Variants in TCF20 observed in about 807,000 individuals in gnomAD.
TCF20 encodes the protein SPRE-binding protein.
A neutral mutation model predicts 148.6 loss-of-function variants in TCF20; 3 were observed. That is an observed-to-expected ratio of 0.02 (90% CI 0.01 to 0.05). The LOEUF (loss-of-function observed/expected upper bound fraction) is 0.05, where lower values mean the gene tolerates loss of function less well. TCF20 is among the 10% of genes least tolerant of loss of function. The probability of loss-of-function intolerance (pLI) is 1.00; values close to 1 mark genes in which losing one functional copy is unlikely to be tolerated. For missense variants in TCF20, 2,350 were observed against 2,429.3 expected (o/e 0.97, Z 0.69); for synonymous variants, 1,049 against 909.5 (o/e 1.15, Z -2.76).
Position 42,243,310 on chromosome 22 carries a change from A to AAAAAAAC in TCF20, c.-37+27028_-37+27029insGTTTTTT, listed in dbSNP as rs1924617731. Among the ~76,000 whole-genome samples, 6 of 140,954 alleles carry AAAAAAAC rather than the reference A, an allele frequency of 4.3e-5. 1 individual carries two copies. Among genetic ancestry groups the AAAAAAAC allele is most frequent in the Admixed American group, 1.4e-4 (2 of 14,746 alleles). The allele number at this position is 140,954 out of a possible 152,430, so 92.5% of individuals were successfully genotyped here. ...ACTGTCTCAAAAAAAAAAAAAAAAA[A>AAAAAAAC]AAAAAAAAAAAGTCAGGCATGATGG... On this transcript the variant is annotated intron_variant, in intron 1 of 5. Coordinates refer to ENST00000677622, the MANE Select transcript of TCF20 (RefSeq NM_001378418.1).
intron 1 of TCF20, among the ~76,000 whole-genome samples, chr22:42,221,303 G>C (rs1455361107): frequency 6.6e-6 from 1 of 152,166 alleles, no homozygotes; most frequent in East Asian, 1.9e-4. Context: ...AGTTCTTCCA[G>C]GGTTGGGTAA....
rs140164408 is a variant in TCF20 at position 42,261,471 on chromosome 22, CCTA to C, written c.-37+8865_-37+8867del. Among the ~76,000 whole-genome samples the C allele has an allele frequency of 3.0e-3, 453 of 152,296 alleles. 11 individuals carry two copies. The highest frequency in any genetic ancestry group is 0.021 in the East Asian group (109 of 5,192). On this transcript the variant is annotated intron_variant, in intron 1 of 5. Coordinates refer to ENST00000677622, the MANE Select transcript of TCF20 (RefSeq NM_001378418.1). ...GCATTCAAGTTCCAGCTGCCTGACT[CCTA>C]CGTGTTTTGCTTAAATAACTCTTAC...
At chr22:42,243,468 G>A (rs750536150) in intron 1 of TCF20, among the ~76,000 whole-genome samples, 9 of 151,908 alleles carry the variant, frequency 5.9e-5, no homozygotes, top group Non-Finnish European at 1.0e-4. Flanking sequence ...CAGGCATGGT[G>A]GTGGGTGCCT....
rs1055335899 is a variant in TCF20, at chr22:42,209,981, C to T, written c.5325G>A (p.Lys1775=). The T allele has an allele frequency of 1.9e-6, 3 of 1,613,414 alleles. No individual in the cohort carries two copies. Among genetic ancestry groups the T allele is most frequent in the Admixed American group, 3.3e-5 (2 of 60,008 alleles). The change falls in exon 2 of 6, where the codon AAG becomes AAA. Residue 1775 remains lysine (K), a synonymous_variant. Coordinates refer to ENST00000677622, the MANE Select transcript of TCF20 (RefSeq NM_001378418.1). ...EEEEEQQQQQ[K]EQRSLAAHPR... is the part of the protein sequence containing the mutation. Reference sequence around the variant, plus strand: ...GGTGTGCGGCCAGGCTTCTCTGCTCCTTCTGCTGCTGCTGCTGCTCTTCCT... The same window carrying T: ...GGTGTGCGGCCAGGCTTCTCTGCTCTTTCTGCTGCTGCTGCTGCTCTTCCT...
rs927374075 is a variant in TCF20, at chr22:42,317,878, G to T, written c.-37+25601C>A. ...AGCCAGTAAGAGCCAGATCCCACTC[G>T]AGCCCAGGCGGGGCACCCTCCTGGC... On this transcript the variant is annotated intron_variant, in intron 1 of 1. Transcript: ENST00000515426. This position sits in a 1 kb window ranked among gnomAD's most constrained non-coding sequence, Gnocchi z 4.2. Among the ~76,000 whole-genome samples, 1 of 152,174 alleles carries T rather than the reference G, an allele frequency of 6.6e-6. No homozygotes were observed. Among genetic ancestry groups the T allele is most frequent in the African/African-American group, 2.4e-5 (1 of 41,440 alleles).
chr22:42,298,762 T>C (rs1927280055), intron 1 of TCF20, among the ~76,000 whole-genome samples: 1 of 152,206 alleles, frequency 6.6e-6, no homozygotes, highest in Admixed American at 6.5e-5. Flanking sequence ...CCCACCTAGA[T>C]GACAAATTTG....
At chr22:42,280,987 T>C (rs1009809384) in intron 1 of TCF20, among the ~76,000 whole-genome samples, 1 of 152,280 alleles carries the variant, frequency 6.6e-6, no homozygotes, top group African/African-American at 2.4e-5. Flanking sequence ...CCTCAGGACG[T>C]TGGCCACCCC....
At chr22:42,304,141 C>T (rs1927390717) in intron 1 of TCF20, among the ~76,000 whole-genome samples, 1 of 152,128 alleles carries the variant, frequency 6.6e-6, no homozygotes, top group Non-Finnish European at 1.5e-5. Context: ...GGCTGTGCCC[C>T]ACCCCCTCCC....
chr22:42,181,503 G>A (rs1311034522), intron 2 of TCF20, among the ~76,000 whole-genome samples: 1 of 152,014 alleles, frequency 6.6e-6, no homozygotes, highest in Non-Finnish European at 1.5e-5. Flanking sequence ...ATCACAGTGA[G>A]TGGTGGCCAT....
intron 1 of TCF20, among the ~76,000 whole-genome samples, chr22:42,240,857 CTTTT>C (rs770589433): frequency 6.8e-6 from 1 of 147,374 alleles, no homozygotes; most frequent in Non-Finnish European, 1.5e-5. Context: ...AAATCTTCAA[CTTTT>C]TTTTTTTTCT....
Position 42,211,758 on chromosome 22 carries a change from T to A in TCF20, c.3548A>T (p.Lys1183Met). The A allele has an allele frequency of 6.2e-7, 1 of 1,614,220 alleles. No individual in the cohort carries two copies. Among genetic ancestry groups the A allele is most frequent in the Non-Finnish European group, 8.5e-7 (1 of 1,180,036 alleles). ...KGMELKHGSQ[K>M]LQESCWDLSR... Reference sequence around the variant, plus strand: ...AAGATCCCAACAGGATTCTTGTAACTTCTGGGAGCCATGCTTTAATTCCAT... The same window carrying A: ...AAGATCCCAACAGGATTCTTGTAACATCTGGGAGCCATGCTTTAATTCCAT... Residue 1183 changes from lysine (K) to methionine (M), a missense_variant, in exon 2 of 6, where the codon AAG (lysine) becomes ATG (methionine). Physicochemically the swap from Lys to Met is moderately conservative, Grantham distance 95. Coordinates refer to ENST00000677622, the MANE Select transcript of TCF20 (RefSeq NM_001378418.1).
chr22:42,215,503 C>A, intron 1 of TCF20, 162 bp from the exon 2 acceptor site: 1 of 897,230 alleles, frequency 1.1e-6, no homozygotes, highest in Non-Finnish European at 1.6e-6. Context: ...AAGAGTCTCA[C>A]TCTGTCACCC....
In TCF20 at chr22:42,210,176, C is replaced by T; in HGVS notation, c.5130G>A (p.Lys1710=). The change falls in exon 2 of 6, where the codon AAG becomes AAA. Residue 1710 remains lysine, a synonymous_variant. Transcript: ENST00000677622. This position sits in a 1 kb window ranked among gnomAD's most constrained non-coding sequence, Gnocchi z 4.7. ...CACCCATGTTCCGGTAACTGGCCCA[C>T]TTGCCACACAGACAGCAAACCAGGT... The part of the protein sequence containing the change: ...MGHLVCCLCG[K]WASYRNMGDL... The T allele has an allele frequency of 6.2e-7, 1 of 1,614,220 alleles. No individual in the cohort carries two copies.
At chr22:42,225,397 G>A (rs1247861532) in intron 1 of TCF20, among the ~76,000 whole-genome samples, 1 of 151,440 alleles carries the variant, frequency 6.6e-6, no homozygotes, top group African/African-American at 2.4e-5. Context: ...GGTGGATCAT[G>A]AGGTCAGGAG....
At chr22:42,170,272 AAAG>A in intron 3 of TCF20, among the ~76,000 whole-genome samples, 1 of 151,764 alleles carries the variant, frequency 6.6e-6, no homozygotes, top group Non-Finnish European at 1.5e-5. Flanking sequence ...GCCGAGGCAG[AAAG>A]ATCACTTGAA....
intron 1 of TCF20, among the ~76,000 whole-genome samples, chr22:42,227,586 C>T (rs1419100131): frequency 6.6e-6 from 1 of 152,222 alleles, no homozygotes; most frequent in African/African-American, 2.4e-5. Context: ...TGAATTTTGT[C>T]AGCTGTCCCA....
chr22:42,329,670 A>G (rs1001758472), intron 1 of TCF20, among the ~76,000 whole-genome samples: 3 of 152,190 alleles, frequency 2.0e-5, no homozygotes, highest in Non-Finnish European at 4.4e-5. Flanking sequence ...GGGATGCAGG[A>G]GGGCTGAGAG....
At chr22:42,341,057 C>T (rs908484742) in intron 1 of TCF20, among the ~76,000 whole-genome samples, 11 of 152,170 alleles carry the variant, frequency 7.2e-5, no homozygotes, top group South Asian at 2.1e-4. Flanking sequence ...CATCAAAGCG[C>T]GCGCCGGCTG....
intron 1 of TCF20, among the ~76,000 whole-genome samples, chr22:42,224,307 T>C (rs1228930788): frequency 6.6e-6 from 1 of 151,660 alleles, no homozygotes; most frequent in African/African-American, 2.4e-5. Flanking sequence ...CCGTCTCTAC[T>C]AAAAATACAA....
Sources: allele counts gnomAD v4.1 joint callset (sites outside exome capture counted in the v4.1 genomes callset), GRCh38; gene constraint gnomAD v4.1.1; non-coding constraint Gnocchi (gnomAD v3.1); transcripts MANE v1.5; gene names NCBI Gene and HGNC (gene_info 2026-07-23, HGNC 2026-07-21).